Variants in RUFY3 observed in about 807,000 individuals in gnomAD.
The protein encoded by RUFY3 is protein RUFY3.
A neutral mutation model predicts 84.0 loss-of-function variants in RUFY3; 34 were observed. The observed-to-expected ratio is 0.40, with a 90% CI of 0.31 to 0.54. The LOEUF (loss-of-function observed/expected upper bound fraction) is 0.54. RUFY3 is among the 20% of genes least tolerant of loss of function. The pLI is 0.39. For missense variants in RUFY3, 507 were observed against 736.8 expected (o/e 0.69, Z 3.61); for synonymous variants, 242 against 252.9 (o/e 0.96, Z 0.41).
Position 70,789,487 on chromosome 4 carries a change from C to T in RUFY3, c.1240-8C>T. 1 of 1,606,274 alleles carries T rather than the reference C, an allele frequency of 6.2e-7. No homozygotes were observed. The highest frequency in any genetic ancestry group is 1.1e-5 in the South Asian group (1 of 89,656). On this transcript the variant is annotated splice_region_variant and splice_polypyrimidine_tract_variant and intron_variant, in intron 11 of 17. Transcript: ENST00000381006. ...ATACAGGTTGTTTATCGTTATTTTC[C>T]ATAACAGAGTTCAGACTTAGGAGTA...
At position 70,768,548 on chromosome 4, in the gene RUFY3, G is replaced by A. The variant is rs752157688; in HGVS notation, c.583G>A (p.Glu195Lys). ...NKKELLSEFYEPNALMMEEEG... is the reference protein window; with the variant it reads ...NKKELLSEFYKPNALMMEEEG... ...GGATTTCTCTTACAGTGAATTCTAC[G>A]AACCCAATGCCCTCATGATGGAAGA... Residue 195 changes from glutamate (E) to lysine (K), a missense_variant, in exon 5 of 18, where the codon GAA becomes AAA. Physicochemically the swap from Glu to Lys is moderately conservative, Grantham distance 56. Transcript: ENST00000381006. The A allele has an allele frequency of 3.7e-6, 6 of 1,613,236 alleles. No individual in the cohort carries two copies. The highest frequency in any genetic ancestry group is 4.5e-5 in the East Asian group (2 of 44,852).
chr4:70,755,940 G>T (rs1723939961), intron 1 of RUFY3, among the ~76,000 whole-genome samples: 1 of 148,380 alleles, frequency 6.7e-6, no homozygotes. Flanking sequence ...GACAGAGCGA[G>T]ATTCTGTCTC....
chr4:70,750,634 C>T (rs746676059), intron 1 of RUFY3, among the ~76,000 whole-genome samples: 1 of 152,108 alleles, frequency 6.6e-6, no homozygotes, highest in Non-Finnish European at 1.5e-5. Context: ...ACTCTCTAAT[C>T]GAAGAATATT....
At chr4:70,730,884 G>C (rs982736013) in intron 1 of RUFY3, among the ~76,000 whole-genome samples, 26 of 152,242 alleles carry the variant, frequency 1.7e-4, no homozygotes, top group Admixed American at 1.0e-3. Context: ...CCAACAATAG[G>C]CCTGCGTGTA....
rs574976608 is a variant in RUFY3 at position 70,734,008 on chromosome 4, T to G, written c.178+11257T>G. Among the ~76,000 whole-genome samples the G allele has an allele frequency of 2.6e-5, 4 of 152,350 alleles. No individual in the cohort carries two copies. The South Asian group carries it at 8.3e-4, about 32-fold the overall frequency. ...TATATCAGTACCTTCTATGACAGTT[T>G]CACACATCTGTGAGTGGGAACATTT... On this transcript the variant is annotated intron_variant, in intron 1 of 17. Transcript: ENST00000381006.
chr4:70,749,733 T>C (rs1259927356), intron 1 of RUFY3, among the ~76,000 whole-genome samples: 1 of 151,600 alleles, frequency 6.6e-6, no homozygotes, highest in East Asian at 1.9e-4. Flanking sequence ...CACTGTAGCT[T>C]ACACTTTCCA....
At chr4:70,801,472 T>G (rs1732226959) in intron 15 of RUFY3, among the ~76,000 whole-genome samples, 1 of 152,212 alleles carries the variant, frequency 6.6e-6, no homozygotes. Flanking sequence ...GAAGTCTCTG[T>G]ACTTTCTACT....
At chr4:70,782,262 A>G (rs1729043986) in intron 8 of RUFY3, among the ~76,000 whole-genome samples, 1 of 151,928 alleles carries the variant, frequency 6.6e-6, no homozygotes, top group Non-Finnish European at 1.5e-5. Context: ...CTTTTCATAT[A>G]AAAGTAGCAG....
chr4:70,803,094 C>A, intron 16 of RUFY3, 111 bp downstream of exon 16: 2 of 738,170 alleles, frequency 2.7e-6, no homozygotes, highest in Middle Eastern at 2.4e-4. Flanking sequence ...ATACAGTGTG[C>A]CATCCTTCTA....
chr4:70,735,685 A>G (rs1272277446), intron 1 of RUFY3, among the ~76,000 whole-genome samples: 1 of 151,930 alleles, frequency 6.6e-6, no homozygotes, highest in Non-Finnish European at 1.5e-5. Flanking sequence ...TACAAAAAAA[A>G]ATAAAAATTA....
intron 12 of RUFY3, chr4:70,792,394 A>AT (rs1417254233): frequency 1.0e-6 from 1 of 967,914 alleles, no homozygotes; most frequent in African/African-American, 1.8e-5. Context: ...TTAGTACAAA[A>AT]ATAGATTCCC....
At chr4:70,788,499 T>G (rs1730285075) in intron 10 of RUFY3, among the ~76,000 whole-genome samples, 1 of 152,154 alleles carries the variant, frequency 6.6e-6, no homozygotes. Context: ...TGACCATCAG[T>G]TGTCGTAATA....
chr4:70,734,070 C>T (rs140597948), intron 1 of RUFY3, among the ~76,000 whole-genome samples: 561 of 152,230 alleles, frequency 3.7e-3, no homozygotes, highest in Non-Finnish European at 6.6e-3. Flanking sequence ...ATTCAATTTC[C>T]ATTATAATTT....
chr4:70,755,628 G>A lies in RUFY3; in HGVS notation c.179-6891G>A, dbSNP rs914739176. Among the ~76,000 whole-genome samples, 6 of 152,290 alleles carry A rather than the reference G, an allele frequency of 3.9e-5. No individual in the cohort carries two copies. In the East Asian group the frequency reaches 1.2e-3, roughly 29 times the overall value. ...TTATATGGAAATTAGCAGTCTTGAA[G>A]AGATACAGTGAAGAATCACATGCTT... On this transcript the variant is annotated intron_variant, in intron 1 of 17. Transcript: ENST00000381006.
chr4:70,780,922 G>A (rs2148766774), intron 8 of RUFY3, among the ~76,000 whole-genome samples: 1 of 152,148 alleles, frequency 6.6e-6, no homozygotes, highest in East Asian at 1.9e-4. Context: ...AGGCTCATTA[G>A]TTCTGCCTTT....
intron 1 of RUFY3, among the ~76,000 whole-genome samples, chr4:70,728,438 A>C (rs1387308806): frequency 6.6e-6 from 1 of 152,234 alleles, no homozygotes; most frequent in Non-Finnish European, 1.5e-5. Context: ...TTTCTACTGA[A>C]CACATATCAC....
Position 70,726,618 on chromosome 4 carries a change from C to T in RUFY3, c.178+3867C>T, listed in dbSNP as rs560706455. ...GAACTCCCGACCTCAGGTGATCGCC[C>T]GCCTCAGCTTCCCAGAGTGCTGGGA... On this transcript the variant is annotated intron_variant, in intron 1 of 17. Transcript: ENST00000381006. Among the ~76,000 whole-genome samples the T allele has an allele frequency of 3.5e-4, 53 of 152,360 alleles. 2 individuals are homozygous for T. In the South Asian group the frequency reaches 0.011, roughly 31 times the overall value.
At chr4:70,799,038 CAG>C (rs927198907) in intron 14 of RUFY3, among the ~76,000 whole-genome samples, 4 of 148,738 alleles carry the variant, frequency 2.7e-5, no homozygotes, top group African/African-American at 7.5e-5. Flanking sequence ...CCCAGCTACT[CAG>C]GGGCTGAGGC....
intron 12 of RUFY3, among the ~76,000 whole-genome samples, chr4:70,790,832 AT>A (rs1730689107): frequency 1.3e-5 from 2 of 152,218 alleles, no homozygotes; most frequent in African/African-American, 4.8e-5. Context: ...TATTCAGATG[AT>A]TCTTAACCAG....
Sources: allele counts gnomAD v4.1 joint callset (sites outside exome capture counted in the v4.1 genomes callset), GRCh38; gene constraint gnomAD v4.1.1; transcripts MANE v1.5; gene names NCBI Gene and HGNC (gene_info 2026-07-23, HGNC 2026-07-21).